The following CFAP61 variants were observed in gnomAD, a reference collection of about 807,000 sequenced individuals.
The protein encoded by CFAP61 is cilia and flagella associated protein 61.
CFAP61 carries 107 observed loss-of-function variants against 135.6 expected under a neutral mutation model. The ratio of observed to expected loss-of-function variants is 0.79; its 90% CI spans 0.67 to 0.93. The LOEUF (loss-of-function observed/expected upper bound fraction) is 0.93. CFAP61 is among the 40% of genes least tolerant of loss of function. The probability of loss-of-function intolerance (pLI) is 0.00; values close to 1 mark genes in which losing one functional copy is unlikely to be tolerated. For missense variants in CFAP61, 1,507 were observed against 1,556.2 expected (o/e 0.97, Z 0.53); for synonymous variants, 575 against 578.5 (o/e 0.99, Z 0.09).
At chr20:20,348,009 C>G (rs1320436416) in intron 26 of CFAP61, among the ~76,000 whole-genome samples, 1 of 148,392 alleles carries the variant, frequency 6.7e-6, no homozygotes, top group Non-Finnish European at 1.5e-5. Flanking sequence ...AGAGCTATAA[C>G]AAGTAAAGAC....
intron 13 of CFAP61, 35 bp from the exon 14 acceptor site, chr20:20,187,895 C>T (rs1369048098): frequency 6.4e-7 from 1 of 1,563,910 alleles, no homozygotes; most frequent in Non-Finnish European, 8.8e-7. Context: ...ATATTTAGTA[C>T]TTTAACTTAA....
intron 5 of CFAP61, 114 bp from the exon 6 acceptor site, chr20:20,075,375 C>T (rs1254528560): frequency 1.2e-5 from 17 of 1,405,516 alleles, no homozygotes; most frequent in Middle Eastern, 1.8e-4. Context: ...GTACCATGTG[C>T]ATATTTTATT....
Position 20,136,342 on chromosome 20 carries a change from A to G in CFAP61, c.860-6515A>G, listed in dbSNP as rs368244451. Reference sequence around the variant, plus strand: ...AACTTGTATCCCTATCTCTTTCTCCACCTCTTCTTTAAGGGCAATAACTCT... The same window carrying G: ...AACTTGTATCCCTATCTCTTTCTCCGCCTCTTCTTTAAGGGCAATAACTCT... On this transcript the variant is annotated intron_variant, in intron 8 of 26. Transcript: ENST00000245957. 4.2e-4 allele frequency among the ~76,000 whole-genome samples: 64 copies of G among 151,278 alleles called. No homozygotes were observed. The East Asian group carries it at 9.3e-3, about 22-fold the overall frequency.
At chr20:20,101,567 G>C (rs745582322) in intron 8 of CFAP61, among the ~76,000 whole-genome samples, 3 of 151,590 alleles carry the variant, frequency 2.0e-5, no homozygotes, top group African/African-American at 7.2e-5. Flanking sequence ...CTCCAATGAC[G>C]GGTCTGCTAC....
At chr20:20,195,947 G>C (rs1601330805) in intron 15 of CFAP61, among the ~76,000 whole-genome samples, 1 of 152,134 alleles carries the variant, frequency 6.6e-6, no homozygotes, top group East Asian at 1.9e-4. Flanking sequence ...CAGGCGTGAT[G>C]GTGGGCGCCT....
At chr20:20,342,634 C>T (rs952841943) in intron 26 of CFAP61, among the ~76,000 whole-genome samples, 3 of 152,156 alleles carry the variant, frequency 2.0e-5, no homozygotes, top group African/African-American at 7.2e-5. Flanking sequence ...CTCGTGTTAC[C>T]GTCTACATAG....
intron 26 of CFAP61, among the ~76,000 whole-genome samples, chr20:20,353,245 C>A (rs979465472): frequency 1.3e-5 from 2 of 152,026 alleles, no homozygotes; most frequent in African/African-American, 4.8e-5. Context: ...CACTGGAGTT[C>A]AAAGATCAGA....
At chr20:20,148,253 A>G (rs1279505145) in intron 9 of CFAP61, among the ~76,000 whole-genome samples, 1 of 152,178 alleles carries the variant, frequency 6.6e-6, no homozygotes, top group African/African-American at 2.4e-5. Context: ...ATGGCTCCGT[A>G]TGAATTTTCA....
Position 20,170,835 on chromosome 20 carries a change from G to A in CFAP61, c.1385+1375G>A, listed in dbSNP as rs73281138. Among the ~76,000 whole-genome samples, 1,246 of 152,306 alleles carry A rather than the reference G, an allele frequency of 8.2e-3. 17 individuals carry two copies. The highest frequency in any genetic ancestry group is 0.029 in the African/African-American group (1,188 of 41,566). ...CCTATGTGGAAAGATAGCTAGGATGGTGAGAAAAGCAGTCAAACAATAATA... is the reference window on the plus strand; with the variant it reads ...CCTATGTGGAAAGATAGCTAGGATGATGAGAAAAGCAGTCAAACAATAATA... On this transcript the variant is annotated intron_variant, in intron 13 of 26. Transcript: ENST00000245957.
At chr20:20,134,356 C>A (rs887995184) in intron 8 of CFAP61, among the ~76,000 whole-genome samples, 4 of 152,124 alleles carry the variant, frequency 2.6e-5, no homozygotes, top group African/African-American at 9.7e-5. Context: ...AGTACAAGTT[C>A]AGTGTTGCTG....
chr20:20,290,437 TTGTTTATAAGAGGA>T, intron 24 of CFAP61, 46 bp downstream of exon 24: 1 of 1,312,594 alleles, frequency 7.6e-7, no homozygotes, highest in South Asian at 1.2e-5. Flanking sequence ...ATACAAAACT[TTGTTTATAAGAGGA>T]TGAAATTCTT....
intron 2 of CFAP61, among the ~76,000 whole-genome samples, chr20:20,061,915 C>T (rs1311661579): frequency 6.6e-6 from 1 of 152,166 alleles, no homozygotes; most frequent in South Asian, 2.1e-4. Context: ...CAGCTAGGGC[C>T]CCTGCATGAA....
At chr20:20,356,277 A>T (rs1200485000) in intron 26 of CFAP61, among the ~76,000 whole-genome samples, 1 of 117,912 alleles carries the variant, frequency 8.5e-6, no homozygotes, top group Non-Finnish European at 1.7e-5. Context: ...TCACACTGTG[A>T]AGGGTGGTAG....
At chr20:20,349,914 G>T (rs1224227530) in intron 26 of CFAP61, among the ~76,000 whole-genome samples, 2 of 152,184 alleles carry the variant, frequency 1.3e-5, no homozygotes, top group Non-Finnish European at 2.9e-5. Flanking sequence ...AAATGGAAGG[G>T]ACTCCAAATA....
chr20:20,089,115 G>C (rs546522221), intron 6 of CFAP61, among the ~76,000 whole-genome samples: 2 of 152,212 alleles, frequency 1.3e-5, no homozygotes, highest in East Asian at 3.9e-4. Flanking sequence ...TTTGCTTCCA[G>C]CTACAAATGT....
intron 15 of CFAP61, among the ~76,000 whole-genome samples, chr20:20,193,544 G>A (rs12624520): frequency 0.077 from 11,749 of 152,002 alleles, 1,279 homozygotes; most frequent in East Asian, 0.56. Flanking sequence ...AATATGATAA[G>A]TTTTCATTGG....
chr20:20,072,168 A>G (rs1172824435), intron 3 of CFAP61, among the ~76,000 whole-genome samples: 1 of 127,876 alleles, frequency 7.8e-6, no homozygotes, highest in Non-Finnish European at 1.5e-5. Context: ...AGGCTGGAGT[A>G]CAGTGGCACG....
At chr20:20,300,082 C>T (rs1156447386) in intron 25 of CFAP61, among the ~76,000 whole-genome samples, 5 of 152,202 alleles carry the variant, frequency 3.3e-5, no homozygotes, top group Non-Finnish European at 5.9e-5. Context: ...ACATTCCTGT[C>T]ACCTAGCACA....
intron 7 of CFAP61, among the ~76,000 whole-genome samples, chr20:20,091,663 T>A (rs2047209681): frequency 6.6e-6 from 1 of 152,078 alleles, no homozygotes; most frequent in Non-Finnish European, 1.5e-5. Flanking sequence ...GTAATTATGA[T>A]TCCTGTAATT....
Sources: allele counts gnomAD v4.1 joint callset (sites outside exome capture counted in the v4.1 genomes callset), GRCh38; gene constraint gnomAD v4.1.1; transcripts MANE v1.5; gene names NCBI Gene and HGNC (gene_info 2026-07-23, HGNC 2026-07-21).